Variants in EPC1 observed in about 807,000 individuals in gnomAD.
The protein encoded by EPC1 is enhancer of polycomb homolog 1.
A neutral mutation model predicts 98.4 loss-of-function variants in EPC1; 12 were observed. That is an observed-to-expected ratio of 0.12 (90% CI 0.08 to 0.20). The LOEUF (loss-of-function observed/expected upper bound fraction) is 0.20. Among genes scored for constraint, EPC1 ranks in the 10% least tolerant of loss-of-function variants. The probability of loss-of-function intolerance (pLI) is 1.00; values close to 1 mark genes in which losing one functional copy is unlikely to be tolerated. For missense variants in EPC1, 729 were observed against 990.5 expected, an observed-to-expected ratio of 0.74 and a Z score of 3.54; for synonymous variants, 357 against 363.9, an observed-to-expected ratio of 0.98 and a Z score of 0.21.
At position 32,346,766 on chromosome 10, in the gene EPC1, C is replaced by T; in HGVS notation, c.150G>A (p.Glu50=). ...QMPTGMEKEE[E]SEHHLQRAIS... ...GGACAGGGGAGTTAACACGTACCGA[C>T]TCCTCTTCCTTCTCCATTCCGGTGG... The change falls in exon 1 of 14, where the codon GAG becomes GAA. Residue 50 remains glutamate, a synonymous_variant. Coordinates refer to ENST00000319778, the MANE Select transcript of EPC1 (RefSeq NM_001272004.3). 6.2e-7 allele frequency: 1 copy of T among 1,614,038 alleles called. No individual in the cohort carries two copies. Among genetic ancestry groups the T allele is most frequent in the South Asian group, 1.1e-5 (1 of 91,090 alleles).
chr10:32,351,067 T>C (rs1296805665), upstream of EPC1, among the ~76,000 whole-genome samples: 2 of 152,202 alleles, frequency 1.3e-5, no homozygotes, highest in South Asian at 2.1e-4. Context: ...GCTGGTACTC[T>C]TCTGTTGGTG....
chr10:32,366,715 G>C (rs1839614145), intron 1 of EPC1, among the ~76,000 whole-genome samples: 2 of 152,124 alleles, frequency 1.3e-5, no homozygotes. Flanking sequence ...GCAGCACACA[G>C]AGTGCAACCC....
At chr10:32,334,261 T>C (rs1361611211) in intron 1 of EPC1, among the ~76,000 whole-genome samples, 1 of 152,148 alleles carries the variant, frequency 6.6e-6, no homozygotes, top group East Asian at 1.9e-4. Context: ...GACCCAATAC[T>C]GTATATTTGG....
chr10:32,356,508 A>G (rs1456701055), intron 1 of EPC1, among the ~76,000 whole-genome samples: 2 of 152,076 alleles, frequency 1.3e-5, no homozygotes, highest in South Asian at 2.1e-4. Flanking sequence ...AGAGGCTGGG[A>G]CAAGCCTGGA....
intron 1 of EPC1, among the ~76,000 whole-genome samples, chr10:32,312,161 A>C (rs1360289274): frequency 6.6e-6 from 1 of 152,144 alleles, no homozygotes; most frequent in Non-Finnish European, 1.5e-5. Context: ...ACAAATTCTT[A>C]TGTACAAGGA....
rs532764252 is a variant in EPC1 at position 32,365,318 on chromosome 10, G to A, written c.3+13173C>T. On this transcript the variant is annotated intron_variant, in intron 1 of 13. Coordinates refer to the EPC1 transcript ENST00000375110. The stretch of plus-strand genomic sequence containing the variant: ...TGCAAACTTTAGCATAAAGGCTAAA[G>A]CAGATCAAAATAACCATCTAGTAAT... Among the ~76,000 whole-genome samples the A allele has an allele frequency of 1.8e-3, 272 of 152,204 alleles. 2 individuals are homozygous for A. The highest frequency in any genetic ancestry group is 6.3e-3 in the African/African-American group (260 of 41,514).
intron 3 of EPC1, 54 bp from the exon 4 acceptor site, chr10:32,293,248 A>G (rs546587057): frequency 1.5e-6 from 2 of 1,307,986 alleles, no homozygotes; most frequent in African/African-American, 3.0e-5. Flanking sequence ...AAGGTTCATA[A>G]GTATTTACTT....
At chr10:32,288,310 T>C (rs1339796157) in intron 6 of EPC1, among the ~76,000 whole-genome samples, 1 of 143,494 alleles carries the variant, frequency 7.0e-6, no homozygotes, top group Non-Finnish European at 1.5e-5. Context: ...TATTACTTTT[T>C]TCTTTTTTTT....
At chr10:32,344,249 C>G (rs1231003057) in intron 1 of EPC1, among the ~76,000 whole-genome samples, 3 of 152,208 alleles carry the variant, frequency 2.0e-5, no homozygotes, top group African/African-American at 7.2e-5. Flanking sequence ...CTACCACTAA[C>G]AGCATGAACC....
At position 32,361,848 on chromosome 10, in the gene EPC1, A is replaced by T. The variant is rs368438550; in HGVS notation, c.3+16643T>A. Among the ~76,000 whole-genome samples, 15 of 152,310 alleles carry T rather than the reference A, an allele frequency of 9.8e-5. No homozygotes were observed. In the South Asian group the frequency reaches 2.9e-3, roughly 29 times the overall value. ...TTAAGGCATTCTAAGTCACAGGATG[A>T]GATAGGAGGTCAGCACAAGATACAG... On this transcript the variant is annotated intron_variant, in intron 1 of 13. Coordinates refer to the EPC1 transcript ENST00000375110.
chr10:32,355,324 C>G lies in EPC1; in HGVS notation c.3+23167G>C, dbSNP rs535126980. Reference sequence around the variant, plus strand: ...GAACTTGAAAAATAATAATTTACTCCTTAGCAGAGGAACTATTCGGTAGTC... The same window carrying G: ...GAACTTGAAAAATAATAATTTACTCGTTAGCAGAGGAACTATTCGGTAGTC... On this transcript the variant is annotated intron_variant, in intron 1 of 13. Transcript: ENST00000375110. 1.2e-4 allele frequency among the ~76,000 whole-genome samples: 18 copies of G among 152,292 alleles called. No homozygotes were observed. The South Asian group carries it at 3.7e-3, about 32-fold the overall frequency.
intron 1 of EPC1, among the ~76,000 whole-genome samples, chr10:32,306,887 A>C (rs1169283135): frequency 6.8e-6 from 1 of 146,296 alleles, no homozygotes; most frequent in Non-Finnish European, 1.5e-5. Flanking sequence ...CACACACACA[A>C]ACAAGTTCAT....
chr10:32,315,580 A>C (rs1836504317), intron 1 of EPC1, among the ~76,000 whole-genome samples: 1 of 152,242 alleles, frequency 6.6e-6, no homozygotes, highest in Non-Finnish European at 1.5e-5. Flanking sequence ...CTACTTAAGA[A>C]GTTTAAATCC....
At chr10:32,336,289 CG>C (rs1837965224) in intron 1 of EPC1, among the ~76,000 whole-genome samples, 1 of 103,782 alleles carries the variant, frequency 9.6e-6, no homozygotes, top group Non-Finnish European at 2.1e-5. Flanking sequence ...AGGCTGGTCT[CG>C]AACTCCTGAG....
At chr10:32,356,723 G>T (rs1439170066) in intron 1 of EPC1, among the ~76,000 whole-genome samples, 2 of 152,136 alleles carry the variant, frequency 1.3e-5, no homozygotes, top group Non-Finnish European at 2.9e-5. Flanking sequence ...GGTGGCTCAC[G>T]CCTGTAATCC....
intron 10 of EPC1, among the ~76,000 whole-genome samples, chr10:32,278,382 T>G (rs1224377099): frequency 2.8e-5 from 4 of 143,006 alleles, no homozygotes; most frequent in East Asian, 2.0e-4. Flanking sequence ...TTTTTTTTTT[T>G]TTGTTTTTTT....
intron 9 of EPC1, 134 bp downstream of exon 9, chr10:32,286,560 T>C (rs1229139291): frequency 1.2e-5 from 13 of 1,051,312 alleles, no homozygotes; most frequent in South Asian, 9.0e-5. Context: ...AAAAATATTT[T>C]AGTCAACAGA....
intron 1 of EPC1, among the ~76,000 whole-genome samples, chr10:32,359,010 C>T (rs907057898): frequency 6.6e-6 from 1 of 152,090 alleles, no homozygotes; most frequent in African/African-American, 2.4e-5. Context: ...AGAAAAGAAA[C>T]CCATTTACTG....
Position 32,271,912 on chromosome 10 carries a change from A to G in EPC1, c.2011T>C (p.Tyr671His), listed in dbSNP as rs1223670651. 5.0e-6 allele frequency: 8 copies of G among 1,613,086 alleles called. No homozygotes were observed. Among genetic ancestry groups the G allele is most frequent in the Middle Eastern group, 1.7e-4 (1 of 6,052 alleles). Residue 671 changes from tyrosine to histidine, a missense_variant, in exon 13 of 14, where the codon TAC (tyrosine) becomes CAC (histidine). This residue lies in a region of EPC1 where 156 missense variants were observed against 188.9 expected (regional missense o/e 0.83). Coordinates refer to ENST00000319778, the MANE Select transcript of EPC1 (RefSeq NM_001272004.3). ...GTACTACTGAGGTGTAAGCCCTTGT[A>G]TACTCCTAGAGAGAAAAAGAAAGAA... ...VNGVLPASGV[Y>H]KGLHLSSTTP...
Sources: allele counts gnomAD v4.1 joint callset (sites outside exome capture counted in the v4.1 genomes callset), GRCh38; gene constraint gnomAD v4.1.1; regional missense constraint gnomAD v4.1.1; transcripts MANE v1.5; gene names NCBI Gene and HGNC (gene_info 2026-07-23, HGNC 2026-07-21).